SRR: variants seen among roughly 807,000 people sequenced by gnomAD.
SRR encodes D-serine ammonia-lyase.
Under a neutral mutation model 32.7 loss-of-function variants are expected in SRR, and 19 were observed. That is an observed-to-expected ratio of 0.58 (90% CI 0.40 to 0.85). The LOEUF (loss-of-function observed/expected upper bound fraction) is 0.85. Ranked by LOEUF, SRR falls within the 40% of genes least tolerant of loss-of-function variation. The pLI, the probability that SRR is intolerant of heterozygous loss-of-function variation, is 0.00. For missense variants in SRR, 373 were observed against 404.7 expected (o/e 0.92, Z 0.67); for synonymous variants, 142 against 140.9 (o/e 1.01, Z -0.06).
chr17:2,321,378 G>A lies in SRR; in HGVS notation c.472G>A (p.Ala158Thr). 6.2e-7 allele frequency: 1 copy of A among 1,612,668 alleles called. No individual in the cohort carries two copies. The highest frequency in any genetic ancestry group is 8.5e-7 in the Non-Finnish European group (1 of 1,179,626). The change falls in exon 5 of 8, where the codon GCA (alanine) becomes ACA (threonine). Residue 158 changes from alanine to threonine, a missense_variant. Transcript: ENST00000344595. ...CATGGTACATCCCAACCAGGAGCCT[G>A]CAGTGATAGCTGGACAAGGGACAAT... ...GIMVHPNQEP[A>T]VIAGQGTIAL...
chr17:2,307,234 G>C, intron 1 of SRR: 1 of 1,266,726 alleles, frequency 7.9e-7, no homozygotes, highest in Non-Finnish European at 1.1e-6. Flanking sequence ...TCATGACTCC[G>C]TGGATAAGAC....
At chr17:2,303,721 C>T (rs761652665), upstream of SRR, 3 of 1,491,822 alleles carry the variant, frequency 2.0e-6, no homozygotes, top group African/African-American at 2.9e-5. Flanking sequence ...CTTCCGCCAT[C>T]TTCGCGGCTG....
chr17:2,303,703 C>T (rs1567770197), upstream of SRR: 2 of 1,494,232 alleles, frequency 1.3e-6, no homozygotes, highest in African/African-American at 1.5e-5. Flanking sequence ...TCCGCACACG[C>T]TCCAGCCCTT....
At chr17:2,310,908 G>A (rs898802687) in intron 1 of SRR, among the ~76,000 whole-genome samples, 24 of 151,924 alleles carry the variant, frequency 1.6e-4, no homozygotes, top group African/African-American at 4.8e-4. Flanking sequence ...CACCATGCCC[G>A]GCTAATTTTT....
At chr17:2,309,898 C>T (rs191581088) in intron 1 of SRR, 32 of 152,232 alleles carry the variant, frequency 2.1e-4, no homozygotes, top group African/African-American at 7.7e-4. Flanking sequence ...AAATGTAAAA[C>T]ATACGAGCTG....
chr17:2,314,909 A>G (rs1319683408), intron 1 of SRR, among the ~76,000 whole-genome samples: 7 of 151,890 alleles, frequency 4.6e-5, no homozygotes, highest in Non-Finnish European at 8.8e-5. Context: ...TAATATAAAA[A>G]TTGAATCCAA....
chr17:2,320,412 T>C (rs547532268), intron 4 of SRR, among the ~76,000 whole-genome samples: 25 of 127,888 alleles, frequency 2.0e-4, no homozygotes, highest in East Asian at 5.2e-4. Context: ...CGTGCCACCA[T>C]GCCCAGCTAA....
rs1170914950 is a variant in SRR, at chr17:2,318,464, CT to C, written c.296-344del. 3.7e-3 allele frequency among the ~76,000 whole-genome samples: 474 copies of C among 126,564 alleles called. 1 individual carries two copies. Among genetic ancestry groups the C allele is most frequent in the African/African-American group, 9.0e-3 (300 of 33,282 alleles). The allele number at this position is 126,564 out of a possible 152,430, so 83.0% of individuals were successfully genotyped here. A position where few individuals can be genotyped will look rare whatever the true frequency, so the allele number is the denominator to read the frequency against. On this transcript the variant is annotated intron_variant, in intron 3 of 7. Coordinates refer to ENST00000344595, the MANE Select transcript of SRR (RefSeq NM_021947.3). ...CACACCTGGCTGAACATGTTTCTTT[CT>C]TTTTTTTTTTTTTTTTTGAGACGGA...
intron 7 of SRR, 105 bp from the exon 8 acceptor site, chr17:2,323,550 C>G (rs1265710122): frequency 5.4e-6 from 7 of 1,289,560 alleles, no homozygotes; most frequent in Non-Finnish European, 6.6e-6. Flanking sequence ...CGTGTGTACA[C>G]AGTGATAAGA....
intron 6 of SRR, chr17:2,322,677 G>GTT (rs11334122): frequency 9.0e-5 from 13 of 143,940 alleles, no homozygotes; most frequent in African/African-American, 3.1e-4. Flanking sequence ...GTTTTTTTTT[G>GTT]TTTTTTTTTT....
chr17:2,323,053 C>T (rs2075546642), intron 6 of SRR, 83 bp from the exon 7 acceptor site: 2 of 1,420,182 alleles, frequency 1.4e-6, no homozygotes, highest in Non-Finnish European at 2.0e-6. Flanking sequence ...GTGTGAGCCA[C>T]CACACCAGGC....
rs558792171 is a variant in SRR, at chr17:2,324,085, G to T, written c.*212G>T. On this transcript the variant is annotated 3_prime_UTR_variant, in exon 8 of 8. Transcript: ENST00000344595. ...CTAAAAAAAAGTCTTGCAAAATGGG[G>T]CAGTGGACTGACAGGCTGACATAGA... 5.1e-5 allele frequency: 71 copies of T among 1,400,482 alleles called. No homozygotes were observed. The African/African-American group carries it at 9.2e-4, about 18-fold the overall frequency. 86.8% of individuals were successfully genotyped at this position (1,400,482 alleles called of 1,614,324 possible). A position where few individuals can be genotyped will look rare whatever the true frequency, so the allele number is the denominator to read the frequency against.
chr17:2,318,617 CTATTT>C (rs2075498217), intron 3 of SRR, among the ~76,000 whole-genome samples: 3 of 103,532 alleles, frequency 2.9e-5, no homozygotes, highest in South Asian at 3.9e-4. Context: ...CCATGCCTGG[CTATTT>C]TTTTTTTTTT....
At chr17:2,310,559 C>T (rs933588406) in intron 1 of SRR, among the ~76,000 whole-genome samples, 3 of 151,710 alleles carry the variant, frequency 2.0e-5, no homozygotes, top group Non-Finnish European at 4.4e-5. Context: ...TCAGGCCTGG[C>T]ATGGTTTTTT....
rs750168193 is a variant in SRR, at chr17:2,324,352, G to C, written c.*479G>C. On this transcript the variant is annotated 3_prime_UTR_variant, in exon 8 of 8. Coordinates refer to ENST00000344595, the MANE Select transcript of SRR (RefSeq NM_021947.3). ...GAGATTTTAGCTTCCCATCAAAGCTGCATTTCATGTGGCCATGGGTACCTA... is the reference window on the plus strand; with the variant it reads ...GAGATTTTAGCTTCCCATCAAAGCTCCATTTCATGTGGCCATGGGTACCTA... 7 of 1,564,712 alleles carry C rather than the reference G, an allele frequency of 4.5e-6. No individual in the cohort carries two copies. Among genetic ancestry groups the C allele is most frequent in the Non-Finnish European group, 6.0e-6 (7 of 1,159,010 alleles).
At chr17:2,312,559 C>T (rs1167227239) in intron 1 of SRR, among the ~76,000 whole-genome samples, 3 of 151,888 alleles carry the variant, frequency 2.0e-5, no homozygotes, top group African/African-American at 7.3e-5. Context: ...CCCACCACTG[C>T]ACTCCAGCCT....
chr17:2,314,726 CG>C (rs1567776188), intron 1 of SRR, among the ~76,000 whole-genome samples: 1 of 149,858 alleles, frequency 6.7e-6, no homozygotes, highest in East Asian at 2.0e-4. Context: ...GCACTCCAGC[CG>C]GGACAACAGG....
intron 1 of SRR, among the ~76,000 whole-genome samples, chr17:2,308,064 CA>C (rs1189059595): frequency 8.8e-5 from 11 of 125,606 alleles, no homozygotes; most frequent in Non-Finnish European, 1.5e-4. Context: ...AAAAAAACAA[CA>C]AAAAAACCAC....
At position 2,318,858 on chromosome 17, in the gene SRR, G is replaced by A. The variant is rs768791616; in HGVS notation, c.328G>A (p.Ala110Thr). The A allele has an allele frequency of 1.9e-6, 3 of 1,613,684 alleles. No homozygotes were observed. The change falls in exon 4 of 8, where the codon GCT becomes ACT. Residue 110 changes from alanine (A) to threonine (T), a missense_variant. Transcript: ENST00000344595. ...IPAYIVVPQTAPDCKKLAIQA... is the reference protein window; with the variant it reads ...IPAYIVVPQTTPDCKKLAIQA... The stretch of plus-strand genomic sequence containing the variant: ...TGCTTATATTGTGGTGCCCCAGACA[G>A]CTCCAGACTGTAAAAAACTTGCAAT...
Sources: allele counts gnomAD v4.1 joint callset (sites outside exome capture counted in the v4.1 genomes callset), GRCh38; gene constraint gnomAD v4.1.1; transcripts MANE v1.5; gene names NCBI Gene and HGNC (gene_info 2026-07-23, HGNC 2026-07-21).